TP73: variants seen among roughly 807,000 people sequenced by gnomAD.
TP73 encodes tumor protein p73.
A neutral mutation model predicts 62.5 loss-of-function variants in TP73; 25 were observed. The observed-to-expected ratio is 0.40, with a 90% CI of 0.29 to 0.56. The LOEUF (loss-of-function observed/expected upper bound fraction) is 0.56, where lower values mean the gene tolerates loss of function less well. TP73 is among the 20% of genes least tolerant of loss of function. The probability of loss-of-function intolerance (pLI) is 0.46; values close to 1 mark genes in which losing one functional copy is unlikely to be tolerated. For synonymous variants in TP73, 423 were observed against 377.5 expected, an observed-to-expected ratio of 1.12 and a Z score of -1.40; for missense variants, 754 against 913.3, an observed-to-expected ratio of 0.83 and a Z score of 2.25.
At chr1:3,721,468 C>T (rs1377178351) in intron 4 of TP73, among the ~76,000 whole-genome samples, 3 of 152,250 alleles carry the variant, frequency 2.0e-5, no homozygotes, top group African/African-American at 7.2e-5. Flanking sequence ...CATGAGAGGC[C>T]TTCACACCAA....
At chr1:3,686,798 C>G (rs1199575790) in intron 3 of TP73, among the ~76,000 whole-genome samples, 1 of 152,134 alleles carries the variant, frequency 6.6e-6, no homozygotes, top group Admixed American at 6.5e-5. Flanking sequence ...CAGGACCTAC[C>G]CCTTCCCTTC....
intron 3 of TP73, among the ~76,000 whole-genome samples, chr1:3,693,688 A>G (rs1192791103): frequency 1.1e-4 from 15 of 138,782 alleles, no homozygotes; most frequent in South Asian, 2.3e-4. Context: ...CCCTCCTCCC[A>G]CAATCCCACC....
intron 3 of TP73, among the ~76,000 whole-genome samples, chr1:3,695,421 C>A (rs554334759): frequency 6.6e-6 from 1 of 152,348 alleles, no homozygotes; most frequent in East Asian, 1.9e-4. Flanking sequence ...GGGCTGGAGC[C>A]TGTCTCGCCG....
chr1:3,723,585 TG>T, intron 6 of TP73, 116 bp downstream of exon 6: 1 of 692,824 alleles, frequency 1.4e-6, no homozygotes, highest in African/African-American at 1.8e-5. Flanking sequence ...CTGCCTGTCC[TG>T]TCGGCATCTG....
In TP73 at chr1:3,736,002, T is replaced by C. The variant is rs1642436726; in HGVS notation, c.*2923T>C. 6.6e-6 allele frequency: 1 copy of C among 152,250 alleles called. No homozygotes were observed. The highest frequency in any genetic ancestry group is 1.5e-5 in the Non-Finnish European group (1 of 68,048). The allele number at this position is 152,250 out of a possible 1,614,324, so 9.4% of individuals were successfully genotyped here. Reference sequence around the variant, plus strand: ...TCCTCTGTTACCAGTTAAAGCACTTTAATGCTTTAAGGTGAAAACGAAATC... The same window carrying C: ...TCCTCTGTTACCAGTTAAAGCACTTCAATGCTTTAAGGTGAAAACGAAATC... On this transcript the variant is annotated 3_prime_UTR_variant, in exon 14 of 14. Coordinates refer to ENST00000378295, the MANE Select transcript of TP73 (RefSeq NM_005427.4).
rs147069070 is a variant in TP73, at chr1:3,708,953, C to T, written c.429+1162C>T. Reference sequence around the variant, plus strand: ...GGGCGGCCGCATTCCCACCCCCTGTCGGGAGTGCTGAGCAAGGGGCCCCTC... The same window carrying T: ...GGGCGGCCGCATTCCCACCCCCTGTTGGGAGTGCTGAGCAAGGGGCCCCTC... On this transcript the variant is annotated intron_variant, in intron 4 of 13. Coordinates refer to ENST00000378295, the MANE Select transcript of TP73 (RefSeq NM_005427.4). 6.0e-3 allele frequency among the ~76,000 whole-genome samples: 907 copies of T among 152,346 alleles called. 6 individuals carry two copies. The highest frequency in any genetic ancestry group is 0.02 in the South Asian group (96 of 4,832).
intron 1 of TP73, among the ~76,000 whole-genome samples, chr1:3,660,315 G>A (rs546169831): frequency 5.3e-5 from 8 of 152,290 alleles, no homozygotes; most frequent in South Asian, 4.1e-4. Flanking sequence ...CCAGGTACAA[G>A]GGCAATTTTG....
At chr1:3,655,576 C>G (rs148702563) in intron 1 of TP73, among the ~76,000 whole-genome samples, 1 of 152,196 alleles carries the variant, frequency 6.6e-6, no homozygotes, top group Non-Finnish European at 1.5e-5. Flanking sequence ...ATGACAATAA[C>G]GCCTACTTTT....
intron 4 of TP73, among the ~76,000 whole-genome samples, chr1:3,718,425 G>A (rs970182194): frequency 6.6e-6 from 1 of 152,214 alleles, no homozygotes; most frequent in Non-Finnish European, 1.5e-5. Flanking sequence ...GGAGTGGGGC[G>A]GGCTCAGCAG....
At chr1:3,722,679 GCACCTGGCACAGGGGTGGGCA>G (rs1641166082) in intron 5 of TP73, among the ~76,000 whole-genome samples, 4 of 110,994 alleles carry the variant, frequency 3.6e-5, no homozygotes, top group African/African-American at 2.0e-4. Context: ...GCGCCTCTCT[GCACCTGGCACAGGGGTGGGCA>G]CCTCTCTGCA....
At chr1:3,679,288 G>A (rs1000166688) in intron 1 of TP73, among the ~76,000 whole-genome samples, 1 of 152,182 alleles carries the variant, frequency 6.6e-6, no homozygotes, top group Non-Finnish European at 1.5e-5. Flanking sequence ...ATCATGTTTT[G>A]CCGACCAGTT....
chr1:3,675,448 GT>G (rs919451004), intron 1 of TP73, among the ~76,000 whole-genome samples: 12 of 152,314 alleles, frequency 7.9e-5, no homozygotes, highest in African/African-American at 2.6e-4. Flanking sequence ...GCATTGAGAT[GT>G]TTGCTTTAGG....
At chr1:3,688,200 C>G (rs1461545942) in intron 3 of TP73, among the ~76,000 whole-genome samples, 1 of 152,288 alleles carries the variant, frequency 6.6e-6, no homozygotes, top group East Asian at 1.9e-4. Context: ...CCAGAGAGCC[C>G]CCACTCAGCC....
intron 1 of TP73, among the ~76,000 whole-genome samples, chr1:3,673,582 C>T (rs1438087425): frequency 6.6e-6 from 1 of 152,238 alleles, no homozygotes; most frequent in African/African-American, 2.4e-5. Context: ...TGAGGTCACA[C>T]AGCTAGAGCG....
rs1303857100 is a variant in TP73 at position 3,726,907 on chromosome 1, A to ATGGG, written c.733-205_733-204insGTGG. Among the ~76,000 whole-genome samples, 29 of 148,422 alleles carry ATGGG rather than the reference A, an allele frequency of 2.0e-4. 1 individual carries two copies. Among genetic ancestry groups the ATGGG allele is most frequent in the African/African-American group, 6.0e-4 (24 of 40,222 alleles). On this transcript the variant is annotated intron_variant, in intron 6 of 13. Transcript: ENST00000378295. ...ATGAATAGATAAATGGGTTCGATGG[A>ATGGG]TGGATGGATGGACGGATGGATGGAT...
At position 3,663,540 on chromosome 1, in the gene TP73, C is replaced by T. The variant is rs964933537; in HGVS notation, c.-34+10899C>T. Among the ~76,000 whole-genome samples the T allele has an allele frequency of 2.0e-5, 3 of 151,804 alleles. No homozygotes were observed. Among genetic ancestry groups the T allele is most frequent in the African/African-American group, 7.3e-5 (3 of 41,310 alleles). ...ACTATACTGGCTCACACGGTGAAAC[C>T]CCATCTCTACTAAAAAATACAAAAA... On this transcript the variant is annotated intron_variant, in intron 1 of 13. Transcript: ENST00000378295. The surrounding 1 kb of genome is among the most constrained non-coding windows in gnomAD (Gnocchi z 4.7).
Position 3,706,240 on chromosome 1 carries a change from A to G in TP73, c.187-1309A>G, listed in dbSNP as rs577861765. On this transcript the variant is annotated intron_variant, in intron 3 of 13. Coordinates refer to ENST00000378295, the MANE Select transcript of TP73 (RefSeq NM_005427.4). ...CTTTGTGCCGTCTGCTGGGGCCGCT[A>G]GATCACTGGGGTCAATCGTTTCCCC... Among the ~76,000 whole-genome samples the G allele has an allele frequency of 2.4e-3, 365 of 152,172 alleles. 1 individual carries two copies. The highest frequency in any genetic ancestry group is 4.0e-3 in the Non-Finnish European group (271 of 67,984).
At chr1:3,676,197 G>A (rs1047455991) in intron 1 of TP73, among the ~76,000 whole-genome samples, 12 of 149,820 alleles carry the variant, frequency 8.0e-5, no homozygotes, top group African/African-American at 3.0e-4. Context: ...GAGCTAGGAC[G>A]GGGACAGAGG....
chr1:3,729,663 G>A, intron 10 of TP73: 2 of 892,612 alleles, frequency 2.2e-6, no homozygotes, highest in Non-Finnish European at 3.6e-6. Flanking sequence ...CCCTTGCTAT[G>A]CCTCTGCCAC....
Sources: gnomAD v4.1 joint callset for allele counts (sites outside exome capture counted in the v4.1 genomes callset) on GRCh38, gnomAD v4.1.1 for gene constraint, Gnocchi (gnomAD v3.1) non-coding constraint, MANE v1.5 for transcripts, NCBI Gene and HGNC (gene_info 2026-07-23, HGNC 2026-07-21) for gene names.